Variants in PCDHA9 observed in about 807,000 individuals in gnomAD.
The protein encoded by PCDHA9 is protocadherin alpha 9, also known as protocadherin alpha-9.
PCDHA9 carries 62 observed loss-of-function variants against 62.0 expected under a neutral mutation model. The observed-to-expected ratio is 1.00, with a 90% CI of 0.81 to 1.23. The LOEUF is 1.23. PCDHA9 is among the 50% of genes most tolerant of loss of function. PCDHA9 has a pLI of 0.00. For missense variants in PCDHA9, 1,205 were observed against 1,249.8 expected, an observed-to-expected ratio of 0.96 and a Z score of 0.54; for synonymous variants, 557 against 567.6, an observed-to-expected ratio of 0.98 and a Z score of 0.27.
intron 1 of PCDHA9, chr5:140,854,178 A>AAAAATT: frequency 1.9e-6 from 1 of 531,180 alleles, no homozygotes; most frequent in Non-Finnish European, 2.4e-6. Flanking sequence ...AAAAAAAAAG[A>AAAAATT]GTAGTTTAAC....
intron 1 of PCDHA9, among the ~76,000 whole-genome samples, chr5:140,901,055 A>G (rs1454535703): frequency 6.6e-6 from 1 of 152,088 alleles, no homozygotes; most frequent in African/African-American, 2.4e-5. Context: ...AAATTAGATT[A>G]TTAGATTTTT....
At chr5:140,884,954 T>C (rs2060416589) in intron 1 of PCDHA9, among the ~76,000 whole-genome samples, 1 of 152,208 alleles carries the variant, frequency 6.6e-6, no homozygotes, top group Non-Finnish European at 1.5e-5. Context: ...TTACAAAAAA[T>C]TCCTCACGTT....
intron 1 of PCDHA9, among the ~76,000 whole-genome samples, chr5:140,897,173 G>A (rs1212341088): frequency 6.6e-6 from 1 of 151,926 alleles, no homozygotes; most frequent in East Asian, 1.9e-4. Context: ...CTATCTCCAT[G>A]GGTTCAAAAA....
chr5:140,953,444 G>C (rs2094887278), intron 1 of PCDHA9, among the ~76,000 whole-genome samples: 1 of 152,088 alleles, frequency 6.6e-6, no homozygotes, highest in South Asian at 2.1e-4. Context: ...GGAGAAACTA[G>C]GGATTATCTG....
At chr5:140,884,547 C>T (rs1554181712) in intron 1 of PCDHA9, 5 of 1,614,214 alleles carry the variant, frequency 3.1e-6, no homozygotes, top group Admixed American at 1.7e-5. Context: ...AGGGTGTGCT[C>T]TGGGGAGGGC....
chr5:140,966,786 G>A (rs1554228650), intron 1 of PCDHA9: 2 of 1,526,000 alleles, frequency 1.3e-6, no homozygotes, highest in Admixed American at 1.9e-5. Context: ...GCGGGCACCA[G>A]ACCTGCGGCG....
intron 1 of PCDHA9, among the ~76,000 whole-genome samples, chr5:140,900,492 G>A (rs2068087412): frequency 6.6e-6 from 1 of 152,174 alleles, no homozygotes; most frequent in African/African-American, 2.4e-5. Flanking sequence ...GGTCAGACTG[G>A]TCTCAAATTC....
intron 1 of PCDHA9, chr5:140,927,024 G>A (rs1554203920): frequency 6.2e-7 from 1 of 1,612,408 alleles, no homozygotes. Flanking sequence ...CGGACTTGAG[G>A]CTGCCAGCGG....
chr5:140,998,195 A>C (rs1409926168), intron 3 of PCDHA9, among the ~76,000 whole-genome samples: 6 of 152,164 alleles, frequency 3.9e-5, no homozygotes, highest in African/African-American at 1.2e-4. Flanking sequence ...ACAAGTATTA[A>C]CTCCTTTAAT....
intron 1 of PCDHA9, among the ~76,000 whole-genome samples, chr5:140,941,439 G>A (rs187782763): frequency 1.3e-5 from 2 of 149,420 alleles, no homozygotes; most frequent in East Asian, 2.0e-4. Context: ...CCTCAGCCTC[G>A]GGAGTAGCTG....
chr5:140,886,012 T>C (rs1363937487), intron 1 of PCDHA9, among the ~76,000 whole-genome samples: 1 of 152,190 alleles, frequency 6.6e-6, no homozygotes, highest in Non-Finnish European at 1.5e-5. Context: ...TAAAGGGAGA[T>C]GCTATGTATT....
At chr5:141,003,928 G>A (rs1479798792) in intron 3 of PCDHA9, among the ~76,000 whole-genome samples, 1 of 152,128 alleles carries the variant, frequency 6.6e-6, no homozygotes, top group Non-Finnish European at 1.5e-5. Context: ...CCTCAGTCTT[G>A]TCTTTGCCTG....
Position 140,862,324 on chromosome 5 carries a change from T to C in PCDHA9, c.2394+11435T>C, listed in dbSNP as rs536000037. On this transcript the variant is annotated intron_variant, in intron 1 of 3. Coordinates refer to ENST00000532602, the MANE Select transcript of PCDHA9 (RefSeq NM_031857.2). ...TGGGTACCGTCATAGCCCTAATCAGTGTAATTGACCCTAACTTCAGTGCCA... is the reference window on the plus strand; with the variant it reads ...TGGGTACCGTCATAGCCCTAATCAGCGTAATTGACCCTAACTTCAGTGCCA... 7 of 322,970 alleles carry C rather than the reference T, an allele frequency of 2.2e-5. No individual in the cohort carries two copies. In the East Asian group the frequency reaches 4.7e-4, roughly 22 times the overall value. 20.0% of individuals were successfully genotyped at this position (322,970 alleles called of 1,614,324 possible). A position where few individuals can be genotyped will look rare whatever the true frequency, so the allele number is the denominator to read the frequency against.
chr5:140,852,883 G>T, intron 1 of PCDHA9: 1 of 933,168 alleles, frequency 1.1e-6, no homozygotes, highest in Non-Finnish European at 1.3e-6. Flanking sequence ...ATCATAAAAC[G>T]TATTTTTTTT....
chr5:140,863,075 CG>C (rs2047768391), intron 1 of PCDHA9: 1 of 569,530 alleles, frequency 1.8e-6, no homozygotes, highest in South Asian at 1.4e-5. Context: ...GGGCTCTGCA[CG>C]GGCGAGATCA....
chr5:140,955,171 C>G (rs887184603), intron 1 of PCDHA9, among the ~76,000 whole-genome samples: 2 of 152,158 alleles, frequency 1.3e-5, no homozygotes, highest in African/African-American at 2.4e-5. Context: ...GTTTTGGTTA[C>G]TGTAGTTTTG....
chr5:140,886,317 G>A (rs1323122893), intron 1 of PCDHA9, among the ~76,000 whole-genome samples: 2 of 151,612 alleles, frequency 1.3e-5, no homozygotes, highest in Non-Finnish European at 2.9e-5. Context: ...TACACTTTAA[G>A]TTCTGGGATA....
chr5:140,966,166 C>T (rs1159533172), intron 1 of PCDHA9: 1 of 179,138 alleles, frequency 5.6e-6, no homozygotes, highest in Non-Finnish European at 1.2e-5. Flanking sequence ...GAGATCTTTT[C>T]CTGGGGAGCT....
Position 141,009,839 on chromosome 5 carries a change from A to G in PCDHA9, c.2755A>G (p.Lys919Glu), listed in dbSNP as rs2098414795. 6.2e-7 allele frequency: 1 copy of G among 1,614,164 alleles called. No individual in the cohort carries two copies. Residue 919 changes from lysine (K) to glutamate (E), a missense_variant, in exon 4 of 4, where the codon AAG becomes GAG. Around this residue, in one of 3 missense-constraint regions of PCDHA9, gnomAD observed 887 missense variants for 809.5 expected, o/e 1.10. Coordinates refer to ENST00000532602, the MANE Select transcript of PCDHA9 (RefSeq NM_031857.2). The part of the protein sequence containing the change: ...DKSDFITFGK[K>E]EETKKKKKKK... ...AAGTGACTTCATAACCTTCGGCAAA[A>G]AGGAGGAGACCAAGAAAAAGAAGAA...
Sources: allele counts gnomAD v4.1 joint callset (sites outside exome capture counted in the v4.1 genomes callset), GRCh38; gene constraint gnomAD v4.1.1; regional missense constraint gnomAD v4.1.1; transcripts MANE v1.5; gene names NCBI Gene and HGNC (gene_info 2026-07-23, HGNC 2026-07-21).